The following IGF2R variants were observed in gnomAD, a reference collection of about 807,000 sequenced individuals.
IGF2R encodes the protein insulin like growth factor 2 receptor.
IGF2R carries 91 observed loss-of-function variants against 270.6 expected under a neutral mutation model. That is an observed-to-expected ratio of 0.34 (90% CI 0.28 to 0.40). The LOEUF (loss-of-function observed/expected upper bound fraction) is 0.40, where lower values mean the gene tolerates loss of function less well. Ranked by LOEUF, IGF2R falls within the 10% of genes least tolerant of loss-of-function variation. The pLI is 1.00. For synonymous variants in IGF2R, 1,316 were observed against 1,258.9 expected, an observed-to-expected ratio of 1.05 and a Z score of -0.96; for missense variants, 2,805 against 3,188.3, an observed-to-expected ratio of 0.88 and a Z score of 2.90.
rs1261136152 is a variant in IGF2R at position 160,108,148 on chromosome 6, G to GGA, written c.*3064_*3065insGA. 3.9e-5 allele frequency: 6 copies of GGA among 152,220 alleles called. No homozygotes were observed. The highest frequency in any genetic ancestry group is 5.9e-5 in the Non-Finnish European group (4 of 68,050). The allele number at this position is 152,220 out of a possible 1,614,324, so 9.4% of individuals were successfully genotyped here. A position where few individuals can be genotyped will look rare whatever the true frequency, so the allele number is the denominator to read the frequency against. ...CTGAAGAATCCCATGGCTCAGGGAG[G>GGA]TACACTCATGTCCTTTCTTACTTCT... On this transcript the variant is annotated 3_prime_UTR_variant, in exon 48 of 48. Coordinates refer to ENST00000356956, the MANE Select transcript of IGF2R (RefSeq NM_000876.4).
Position 160,107,702 on chromosome 6 carries a change from T to G in IGF2R, c.*2618T>G, listed in dbSNP as rs1369069667. On this transcript the variant is annotated 3_prime_UTR_variant, in exon 48 of 48. Coordinates refer to ENST00000356956, the MANE Select transcript of IGF2R (RefSeq NM_000876.4). ...AACCCCACACCAAGGAAATCCACAG[T>G]GAAGTGGAAATCTGGTTCTTATGAA... 6.6e-6 allele frequency: 1 copy of G among 152,040 alleles called. No individual in the cohort carries two copies. The highest frequency in any genetic ancestry group is 1.5e-5 in the Non-Finnish European group (1 of 68,006). 9.4% of individuals were successfully genotyped at this position (152,040 alleles called of 1,614,324 possible).
intron 45 of IGF2R, among the ~76,000 whole-genome samples, chr6:160,100,707 G>T (rs961043030): frequency 8.9e-6 from 1 of 111,862 alleles, no homozygotes; most frequent in Non-Finnish European, 1.8e-5. Flanking sequence ...CACAAAGCAG[G>T]CAAGTCAGCA....
At chr6:160,064,597 A>G in intron 28 of IGF2R, 66 bp downstream of exon 28, 1 of 1,552,258 alleles carries the variant, frequency 6.4e-7, no homozygotes. Flanking sequence ...GGATCATATT[A>G]GAAAGAATCT....
At chr6:160,051,120 TAGC>T (rs1778187126) in intron 19 of IGF2R, among the ~76,000 whole-genome samples, 1 of 152,092 alleles carries the variant, frequency 6.6e-6, no homozygotes, top group African/African-American at 2.4e-5. Flanking sequence ...GGGGAATAAA[TAGC>T]AGGAGAAAGA....
At position 160,073,851 on chromosome 6, in the gene IGF2R, A is replaced by G. The variant is rs759032483; in HGVS notation, c.5042A>G (p.Asp1681Gly). 1.9e-6 allele frequency: 3 copies of G among 1,613,956 alleles called. No individual in the cohort carries two copies. The highest frequency in any genetic ancestry group is 2.2e-5 in the East Asian group (1 of 44,878). The change falls in exon 35 of 48, where the codon GAT (aspartate) becomes GGT (glycine). Residue 1681 changes from aspartate to glycine, a missense_variant. By Grantham distance (94) the Asp-to-Gly change is moderately conservative. Around this residue, in one of 2 missense-constraint regions of IGF2R, gnomAD observed 1,851 missense variants for 2,207.2 expected, o/e 0.84. Coordinates refer to ENST00000356956, the MANE Select transcript of IGF2R (RefSeq NM_000876.4). ...GGYEAYDESE[D>G]DASDTNPDFY... ...TATGAGGCTTATGATGAGAGTGAGG[A>G]TGATGCCTCCGATACCAACCCTGAT...
At chr6:160,060,848 G>C in intron 23 of IGF2R, 131 bp downstream of exon 23, 1 of 772,964 alleles carries the variant, frequency 1.3e-6, no homozygotes, top group Admixed American at 2.9e-5. Context: ...TATGCAGGCA[G>C]CGTGACATTT....
intron 1 of IGF2R, among the ~76,000 whole-genome samples, chr6:159,987,293 G>T (rs9457799): frequency 0.11 from 16,542 of 152,248 alleles, 1,047 homozygotes; most frequent in Middle Eastern, 0.14. Flanking sequence ...GCATACCAGA[G>T]TACATAATAG....
In IGF2R at chr6:160,109,893, C is replaced by T. The variant is rs1583313304; in HGVS notation, c.*4809C>T. ...CAAAATCATACTTGAACTAGAAAAT[C>T]CCGTTGGCATAGGTATGGATTGTCA... On this transcript the variant is annotated 3_prime_UTR_variant, in exon 48 of 48. Coordinates refer to ENST00000356956, the MANE Select transcript of IGF2R (RefSeq NM_000876.4). 1.3e-5 allele frequency: 2 copies of T among 152,146 alleles called. No homozygotes were observed. Among genetic ancestry groups the T allele is most frequent in the Non-Finnish European group, 2.9e-5 (2 of 68,034 alleles). 9.4% of individuals were successfully genotyped at this position (152,146 alleles called of 1,614,324 possible). A position where few individuals can be genotyped will look rare whatever the true frequency, so the allele number is the denominator to read the frequency against.
At chr6:160,002,452 G>A (rs1163535810) in intron 2 of IGF2R, among the ~76,000 whole-genome samples, 2 of 152,128 alleles carry the variant, frequency 1.3e-5, no homozygotes, top group East Asian at 3.8e-4. Flanking sequence ...GAGCGGCAGT[G>A]GATCATCATA....
chr6:159,979,324 C>A (rs1209485033), intron 1 of IGF2R, among the ~76,000 whole-genome samples: 1 of 152,184 alleles, frequency 6.6e-6, no homozygotes, highest in Non-Finnish European at 1.5e-5. Context: ...GCCAAGCCAC[C>A]AGAATAGAAG....
intron 19 of IGF2R, among the ~76,000 whole-genome samples, chr6:160,052,169 T>C (rs1196742045): frequency 2.0e-5 from 3 of 152,216 alleles, no homozygotes; most frequent in African/African-American, 7.2e-5. Flanking sequence ...GCTACTATAC[T>C]GCAGCCCCTT....
At chr6:160,054,193 A>C (rs1778258211) in intron 19 of IGF2R, among the ~76,000 whole-genome samples, 1 of 152,238 alleles carries the variant, frequency 6.6e-6, no homozygotes, top group Non-Finnish European at 1.5e-5. Context: ...GATGCTGAAC[A>C]GGTTAGTCAA....
Position 160,048,033 on chromosome 6 carries a change from G to A in IGF2R, c.2345+126G>A. On this transcript the variant is annotated intron_variant, in intron 17 of 47. Coordinates refer to ENST00000356956, the MANE Select transcript of IGF2R (RefSeq NM_000876.4). ...CTGGCTGTGGGGCTGCAGGACCAAG[G>A]TGGGGCATTTTCAGCAGAGTGAATT... 9.7e-6 allele frequency: 7 copies of A among 723,484 alleles called. No individual in the cohort carries two copies. In the Admixed American group the frequency reaches 1.5e-4, roughly 15 times the overall value. The allele number at this position is 723,484 out of a possible 1,614,324, so 44.8% of individuals were successfully genotyped here. A position where few individuals can be genotyped will look rare whatever the true frequency, so the allele number is the denominator to read the frequency against.
At chr6:160,047,466 G>C (rs1380602671) in intron 16 of IGF2R, 130 bp downstream of exon 16, 5 of 783,014 alleles carry the variant, frequency 6.4e-6, no homozygotes, top group South Asian at 1.9e-5. Flanking sequence ...TTGCCAGGGT[G>C]CCTGGGCAGT....
chr6:160,002,218 C>T (rs964971958), intron 2 of IGF2R, among the ~76,000 whole-genome samples: 4 of 152,000 alleles, frequency 2.6e-5, no homozygotes, highest in East Asian at 1.9e-4. Context: ...TAGTGGAACC[C>T]CATCTCTGCA....
rs748957743 is a variant in IGF2R at position 160,108,312 on chromosome 6, T to C, written c.*3228T>C. On this transcript the variant is annotated 3_prime_UTR_variant, in exon 48 of 48. Coordinates refer to ENST00000356956, the MANE Select transcript of IGF2R (RefSeq NM_000876.4). ...TGTGCAAGGCGGCAAGATAGCCACA[T>C]TGAGTTGGGGACAGTATGGCCTGGG... is the stretch of plus-strand genomic sequence containing the variant. 1 of 152,434 alleles carries C rather than the reference T, an allele frequency of 6.6e-6. No individual in the cohort carries two copies. Among genetic ancestry groups the C allele is most frequent in the Non-Finnish European group, 1.5e-5 (1 of 68,174 alleles). The allele number at this position is 152,434 out of a possible 1,614,324, so 9.4% of individuals were successfully genotyped here.
At chr6:160,049,001 C>T (rs941789557) in intron 18 of IGF2R, among the ~76,000 whole-genome samples, 4 of 152,130 alleles carry the variant, frequency 2.6e-5, no homozygotes, top group Admixed American at 1.3e-4. Context: ...ATGCAGTCAC[C>T]GCCAGAACAT....
At chr6:160,020,779 C>T (rs953789270) in intron 4 of IGF2R, among the ~76,000 whole-genome samples, 1 of 152,098 alleles carries the variant, frequency 6.6e-6, no homozygotes, top group South Asian at 2.1e-4. Context: ...TCTCTTACCA[C>T]ATATAAAAAT....
At chr6:160,025,641 G>A (rs1475247754) in intron 5 of IGF2R, among the ~76,000 whole-genome samples, 1 of 152,028 alleles carries the variant, frequency 6.6e-6, no homozygotes, top group South Asian at 2.1e-4. Flanking sequence ...ACCCCATTCA[G>A]GGCTCACCAA....
Sources: gnomAD v4.1 joint callset for allele counts (sites outside exome capture counted in the v4.1 genomes callset) on GRCh38, gnomAD v4.1.1 for gene constraint, gnomAD v4.1.1 regional missense constraint, MANE v1.5 for transcripts, NCBI Gene and HGNC (gene_info 2026-07-23, HGNC 2026-07-21) for gene names.